The following AKAP6 variants were observed in gnomAD, a reference collection of about 807,000 sequenced individuals.
AKAP6 encodes the protein A-kinase anchor protein 6.
In AKAP6, 58 loss-of-function variants were observed where a neutral mutation model predicts 188.5. The observed-to-expected ratio is 0.31, with a 90% confidence interval of 0.25 to 0.38. The LOEUF (loss-of-function observed/expected upper bound fraction) is 0.38. Ranked by LOEUF, AKAP6 falls within the 10% of genes least tolerant of loss-of-function variation. The pLI, the probability that AKAP6 is intolerant of heterozygous loss-of-function variation, is 1.00. For missense variants in AKAP6, 2,710 were observed against 2,740.0 expected, an observed-to-expected ratio of 0.99 and a Z score of 0.24; for synonymous variants, 989 against 998.6, an observed-to-expected ratio of 0.99 and a Z score of 0.18.
intron 13 of AKAP6, among the ~76,000 whole-genome samples, chr14:32,827,472 T>C (rs2034703612): frequency 6.6e-6 from 1 of 152,140 alleles, no homozygotes; most frequent in South Asian, 2.1e-4. Flanking sequence ...TTTCCAGATT[T>C]TCAAATGTTT....
At chr14:32,736,318 A>G (rs1242712217) in intron 11 of AKAP6, among the ~76,000 whole-genome samples, 1 of 152,196 alleles carries the variant, frequency 6.6e-6, no homozygotes, top group Non-Finnish European at 1.5e-5. Flanking sequence ...ATTTTTACAT[A>G]TGAAAGAGTC....
chr14:32,824,815 G>T lies in AKAP6; in HGVS notation c.*42G>T. The T allele has an allele frequency of 6.4e-7, 1 of 1,572,692 alleles. No individual in the cohort carries two copies. Among genetic ancestry groups the T allele is most frequent in the South Asian group, 1.2e-5 (1 of 82,410 alleles). On this transcript the variant is annotated splice_region_variant and 3_prime_UTR_variant, in exon 13 of 14. Coordinates refer to ENST00000280979, the MANE Select transcript of AKAP6 (RefSeq NM_004274.5). ...AAGCATGAAAATCATCTCACTGAAAGGTACGTATAGTCCTCATGCCGTATA... is the reference window on the plus strand; with the variant it reads ...AAGCATGAAAATCATCTCACTGAAATGTACGTATAGTCCTCATGCCGTATA...
rs1566673041 is a variant in AKAP6 at position 32,731,788 on chromosome 14, C to T, written c.3001-666C>T. Among the ~76,000 whole-genome samples the T allele has an allele frequency of 3.3e-5, 5 of 152,106 alleles. 1 individual carries two copies. The South Asian group carries it at 1.0e-3, about 32-fold the overall frequency. ...AGCACTTACATTATCTCCAGCAAAACATCTTTTAGGAGAGACTCTCTTGGC... is the reference window on the plus strand; with the variant it reads ...AGCACTTACATTATCTCCAGCAAAATATCTTTTAGGAGAGACTCTCTTGGC... On this transcript the variant is annotated intron_variant, in intron 9 of 13. Transcript: ENST00000280979.
intron 11 of AKAP6, among the ~76,000 whole-genome samples, chr14:32,748,867 G>T (rs2032016128): frequency 6.6e-6 from 1 of 152,040 alleles, no homozygotes; most frequent in African/African-American, 2.4e-5. Context: ...TCCAACTTCT[G>T]TCTCCATGAC....
intron 12 of AKAP6, among the ~76,000 whole-genome samples, chr14:32,774,550 G>C (rs1165839164): frequency 1.3e-5 from 2 of 152,124 alleles, no homozygotes; most frequent in African/African-American, 2.4e-5. Context: ...GGTTTAAGCT[G>C]TTGCTAGATG....
intron 7 of AKAP6, among the ~76,000 whole-genome samples, chr14:32,675,723 T>C (rs577933934): frequency 6.6e-6 from 1 of 152,316 alleles, no homozygotes; most frequent in South Asian, 2.1e-4. Context: ...GAAGTTTCCT[T>C]TGACAAATGC....
intron 1 of AKAP6, chr14:32,418,034 A>T (rs1357916351): frequency 2.0e-5 from 3 of 152,336 alleles, no homozygotes; most frequent in South Asian, 2.1e-4. Flanking sequence ...GAATAGAGTT[A>T]TGACAAGCAG....
intron 2 of AKAP6, among the ~76,000 whole-genome samples, chr14:32,513,321 T>C (rs1364955738): frequency 6.6e-6 from 1 of 152,238 alleles, no homozygotes; most frequent in East Asian, 1.9e-4. Flanking sequence ...TCCTTACCTA[T>C]GTCTTTATTT....
Position 32,735,748 on chromosome 14 carries a change from G to A in AKAP6, c.3238G>A (p.Val1080Ile). 3 of 1,613,554 alleles carry A rather than the reference G, an allele frequency of 1.9e-6. No homozygotes were observed. The highest frequency in any genetic ancestry group is 2.2e-5 in the South Asian group (2 of 91,062). Residue 1080 changes from valine to isoleucine, a missense_variant, in exon 11 of 14, where the codon GTA (valine) becomes ATA (isoleucine). This residue lies in a region of AKAP6 where 2,473 missense variants were observed against 2,426.1 expected (regional missense o/e 1.02). Coordinates refer to ENST00000280979, the MANE Select transcript of AKAP6 (RefSeq NM_004274.5). Reference protein sequence around the residue: ...DLLSPESGSLVRQLEVRIKEL... With the variant: ...DLLSPESGSLIRQLEVRIKEL... Reference sequence around the variant, plus strand: ...GCTCTCTCCTGAAAGTGGAAGCCTGGTAAGGCAGCTGGAGGTCAGGATCAA... The same window carrying A: ...GCTCTCTCCTGAAAGTGGAAGCCTGATAAGGCAGCTGGAGGTCAGGATCAA...
chr14:32,463,973 C>T (rs1878236272), intron 2 of AKAP6, among the ~76,000 whole-genome samples: 1 of 152,190 alleles, frequency 6.6e-6, no homozygotes, highest in Non-Finnish European at 1.5e-5. Context: ...CACCTCAACA[C>T]AAATGAACTA....
chr14:32,670,739 T>C (rs939542533), intron 7 of AKAP6, among the ~76,000 whole-genome samples: 21 of 152,118 alleles, frequency 1.4e-4, no homozygotes, highest in African/African-American at 2.2e-4. Context: ...CTTTTTTTTT[T>C]CCCTGGGAAG....
At chr14:32,522,202 G>T (rs1881874429) in intron 2 of AKAP6, among the ~76,000 whole-genome samples, 1 of 152,196 alleles carries the variant, frequency 6.6e-6, no homozygotes, top group Non-Finnish European at 1.5e-5. Context: ...ATGGATTAAA[G>T]ACTTAAATGT....
In AKAP6 at chr14:32,545,465, G is replaced by T. The variant is rs755540302; in HGVS notation, c.812G>T (p.Ser271Ile). ...AAGGAGTTTCCTGAGCTTATCCGAA[G>T]TGTTGGTTTACTTACGGTAGCTGCT... ...MEKEFPELIR[S>I]VGLLTVAADS... Residue 271 changes from serine (S) to isoleucine (I), a missense_variant, in exon 4 of 14, where the codon AGT becomes ATT. Physicochemically the swap from Ser to Ile is moderately radical, Grantham distance 142 (BLOSUM62 -2). Transcript: ENST00000280979. 13 of 1,614,096 alleles carry T rather than the reference G, an allele frequency of 8.1e-6. No homozygotes were observed.
intron 7 of AKAP6, among the ~76,000 whole-genome samples, chr14:32,638,252 T>G (rs1270201738): frequency 1.3e-5 from 2 of 152,036 alleles, no homozygotes; most frequent in African/African-American, 2.4e-5. Flanking sequence ...CTTTGAGTAC[T>G]GATGAAGACC....
At chr14:32,387,285 C>A (rs1888562866) in intron 1 of AKAP6, among the ~76,000 whole-genome samples, 1 of 151,848 alleles carries the variant, frequency 6.6e-6, no homozygotes, top group African/African-American at 2.4e-5. Flanking sequence ...CTATTTATTT[C>A]TTTCTTTTGT....
intron 12 of AKAP6, among the ~76,000 whole-genome samples, chr14:32,794,080 A>G (rs1251203411): frequency 6.6e-6 from 1 of 152,224 alleles, no homozygotes; most frequent in East Asian, 1.9e-4. Flanking sequence ...CACTTACTCT[A>G]AAATTGATCA....
chr14:32,408,441 A>G (rs1416252018), intron 1 of AKAP6, among the ~76,000 whole-genome samples: 1 of 151,356 alleles, frequency 6.6e-6, no homozygotes, highest in African/African-American at 2.4e-5. Context: ...AAAGGTTTTC[A>G]GTGTTCAGAG....
At chr14:32,694,137 G>A (rs71419925) in intron 8 of AKAP6, among the ~76,000 whole-genome samples, 17,373 of 151,808 alleles carry the variant, frequency 0.11, 1,069 homozygotes, top group Admixed American at 0.15. Flanking sequence ...CGAGGTGGGC[G>A]GATCATGAGG....
chr14:32,615,754 C>G (rs1886550922), intron 7 of AKAP6, among the ~76,000 whole-genome samples: 1 of 151,982 alleles, frequency 6.6e-6, no homozygotes. Flanking sequence ...CGCCACCACA[C>G]CCAGCTAATT....
Sources: allele counts gnomAD v4.1 joint callset (sites outside exome capture counted in the v4.1 genomes callset), GRCh38; gene constraint gnomAD v4.1.1; regional missense constraint gnomAD v4.1.1; transcripts MANE v1.5; gene names NCBI Gene and HGNC (gene_info 2026-07-23, HGNC 2026-07-21).